GRIP1: variants seen among roughly 807,000 people sequenced by gnomAD.
GRIP1 encodes glutamate receptor-interacting protein 1.
In GRIP1, 45 loss-of-function variants were observed where a neutral mutation model predicts 129.9. That is an observed-to-expected ratio of 0.35 (90% CI 0.27 to 0.44). The LOEUF is 0.44. Ranked by LOEUF, GRIP1 falls within the 20% of genes least tolerant of loss-of-function variation. GRIP1 has a pLI of 1.00. For missense variants in GRIP1, 1,196 were observed against 1,396.8 expected, an observed-to-expected ratio of 0.86 and a Z score of 2.29; for synonymous variants, 530 against 520.8, an observed-to-expected ratio of 1.02 and a Z score of -0.24.
At chr12:66,576,567 A>G (rs1800135727) in intron 2 of GRIP1, among the ~76,000 whole-genome samples, 1 of 152,232 alleles carries the variant, frequency 6.6e-6, no homozygotes, top group Non-Finnish European at 1.5e-5. Context: ...AAACTCAAAT[A>G]TCAGTCCCGT....
At chr12:66,353,283 T>C (rs2054321854) in intron 24 of GRIP1, 134 bp downstream of exon 24, 10 of 759,712 alleles carry the variant, frequency 1.3e-5, no homozygotes, top group Non-Finnish European at 1.9e-5. Context: ...TGTTTGCTTC[T>C]ACTGATTCCA....
chr12:66,637,631 A>G (rs1402670174), intron 1 of GRIP1, among the ~76,000 whole-genome samples: 1 of 152,096 alleles, frequency 6.6e-6, no homozygotes, highest in Non-Finnish European at 1.5e-5. Flanking sequence ...CGACTTAAAA[A>G]TTTCAACTTC....
chr12:66,983,503 A>C (rs1251067917), intron 1 of GRIP1, among the ~76,000 whole-genome samples: 1 of 152,152 alleles, frequency 6.6e-6, no homozygotes, highest in African/African-American at 2.4e-5. Flanking sequence ...TTTTTAAAAA[A>C]CCCAATTTAC....
chr12:66,683,243 T>C (rs796739687), upstream of GRIP1, among the ~76,000 whole-genome samples: 10 of 152,270 alleles, frequency 6.6e-5, no homozygotes, highest in African/African-American at 2.4e-4. Flanking sequence ...TTTTCAAAGA[T>C]GCCAAAAGCA....
chr12:66,365,736 A>C (rs1325365929), intron 23 of GRIP1, among the ~76,000 whole-genome samples: 8 of 152,322 alleles, frequency 5.3e-5, no homozygotes, highest in African/African-American at 1.9e-4. Flanking sequence ...TCATTCTGGT[A>C]TACAACCTTA....
chr12:66,853,980 T>C (rs1405191384), intron 1 of GRIP1, among the ~76,000 whole-genome samples: 3 of 152,070 alleles, frequency 2.0e-5, no homozygotes, highest in African/African-American at 7.2e-5. Context: ...TTAAGGTTAA[T>C]AAATAATGAA....
At chr12:66,435,452 C>T (rs2058275596) in intron 13 of GRIP1, among the ~76,000 whole-genome samples, 1 of 152,218 alleles carries the variant, frequency 6.6e-6, no homozygotes, top group African/African-American at 2.4e-5. Flanking sequence ...GATCCGTCCA[C>T]CTCAGCCTCC....
At chr12:66,968,814 T>C (rs112984762) in intron 1 of GRIP1, among the ~76,000 whole-genome samples, 1 of 152,252 alleles carries the variant, frequency 6.6e-6, no homozygotes, top group Admixed American at 6.5e-5. Flanking sequence ...CCTTCTCTGA[T>C]GTTCTTTCCT....
intron 3 of GRIP1, among the ~76,000 whole-genome samples, chr12:66,541,216 T>C (rs1489432722): frequency 1.3e-5 from 2 of 152,200 alleles, no homozygotes; most frequent in Non-Finnish European, 2.9e-5. Context: ...CAGGACATTC[T>C]GCCTTTGGCA....
intron 7 of GRIP1, among the ~76,000 whole-genome samples, chr12:66,504,667 A>T (rs77713529): frequency 0.019 from 2,834 of 152,268 alleles, 84 homozygotes; most frequent in African/African-American, 0.065. Context: ...ATGACATAAA[A>T]AATAGAAAAT....
At position 66,813,749 on chromosome 12, in the gene GRIP1, C is replaced by A. The variant is rs1472269011; in HGVS notation, c.59-216822G>T. 2.0e-5 allele frequency among the ~76,000 whole-genome samples: 3 copies of A among 152,128 alleles called. No individual in the cohort carries two copies. The East Asian group carries it at 5.8e-4, about 29-fold the overall frequency. On this transcript the variant is annotated intron_variant, in intron 1 of 1. Transcript: ENST00000643019. The stretch of plus-strand genomic sequence containing the variant: ...CTGTGGAGAATAATAGGAGAGGAAG[C>A]TAAAGAGGCAGACAGGGGCCAGCTC...
chr12:66,755,838 C>T (rs530040689), intron 1 of GRIP1, among the ~76,000 whole-genome samples: 1 of 152,282 alleles, frequency 6.6e-6, no homozygotes, highest in African/African-American at 2.4e-5. Context: ...ATGCCCTCAC[C>T]TCTCTTTTTC....
At chr12:66,872,388 G>A (rs1195163493) in intron 1 of GRIP1, among the ~76,000 whole-genome samples, 1 of 152,026 alleles carries the variant, frequency 6.6e-6, no homozygotes, top group East Asian at 1.9e-4. Flanking sequence ...GATTGTTCCT[G>A]TAAGTTTACA....
intron 1 of GRIP1, among the ~76,000 whole-genome samples, chr12:66,952,397 A>T (rs73333064): frequency 0.12 from 18,391 of 152,242 alleles, 1,484 homozygotes; most frequent in African/African-American, 0.23. Flanking sequence ...AGATTATGTC[A>T]TTAAAGCACT....
chr12:66,614,596 T>C (rs768244432), intron 1 of GRIP1, among the ~76,000 whole-genome samples: 3 of 152,122 alleles, frequency 2.0e-5, no homozygotes, highest in Non-Finnish European at 2.9e-5. Context: ...CTTATCTATC[T>C]ACTATGCATG....
chr12:66,584,504 C>T (rs990635324), intron 2 of GRIP1, among the ~76,000 whole-genome samples: 7 of 151,956 alleles, frequency 4.6e-5, no homozygotes, highest in East Asian at 1.9e-4. Context: ...ACCCGGGAGG[C>T]GGAGGTTGCA....
intron 1 of GRIP1, among the ~76,000 whole-genome samples, chr12:67,053,670 AC>A (rs2043383637): frequency 6.6e-6 from 1 of 151,890 alleles, no homozygotes; most frequent in African/African-American, 2.4e-5. Context: ...ATCTCTACTA[AC>A]AAAAAAAATA....
At chr12:67,004,609 C>T (rs1405994718) in intron 1 of GRIP1, among the ~76,000 whole-genome samples, 2 of 152,042 alleles carry the variant, frequency 1.3e-5, no homozygotes, top group African/African-American at 4.8e-5. Flanking sequence ...TGCTGAAAGG[C>T]AATCCATCCA....
rs115917432 is a variant in GRIP1 at position 66,937,766 on chromosome 12, T to C, written c.58+131284A>G. Among the ~76,000 whole-genome samples, 579 of 152,214 alleles carry C rather than the reference T, an allele frequency of 3.8e-3. 3 individuals are homozygous for C. Among genetic ancestry groups the C allele is most frequent in the African/African-American group, 0.013 (556 of 41,534 alleles). ...TAGATATTAGAGTTTCCAAAGATGATAGCAGAGAAAGGGGCAGTTGATGCT... is the reference window on the plus strand; with the variant it reads ...TAGATATTAGAGTTTCCAAAGATGACAGCAGAGAAAGGGGCAGTTGATGCT... On this transcript the variant is annotated intron_variant, in intron 1 of 1. Transcript: ENST00000643019.
Sources: gnomAD v4.1 joint callset for allele counts (sites outside exome capture counted in the v4.1 genomes callset) on GRCh38, gnomAD v4.1.1 for gene constraint, MANE v1.5 for transcripts, NCBI Gene and HGNC (gene_info 2026-07-23, HGNC 2026-07-21) for gene names.